The following DNAJB4 variants were observed in gnomAD, a reference collection of about 807,000 sequenced individuals.
DNAJB4 encodes the protein dnaJ homolog subfamily B member 4.
DNAJB4 carries 10 observed loss-of-function variants against 26.6 expected under a neutral mutation model. The observed-to-expected ratio is 0.38, with a 90% CI of 0.23 to 0.64. DNAJB4 has a LOEUF of 0.64. DNAJB4 is among the 30% of genes least tolerant of loss of function. The probability of loss-of-function intolerance (pLI) is 0.58; values close to 1 mark genes in which losing one functional copy is unlikely to be tolerated. For synonymous variants in DNAJB4, 136 were observed against 134.8 expected (o/e 1.01, Z -0.06); for missense variants, 328 against 408.2 (o/e 0.80, Z 1.69).
chr1:77,998,754 C>T (rs930161022), intron 1 of DNAJB4, among the ~76,000 whole-genome samples: 2 of 151,942 alleles, frequency 1.3e-5, no homozygotes, highest in South Asian at 4.2e-4. Flanking sequence ...GGGAAAATGG[C>T]TTGAGCTCAG....
intron 1 of DNAJB4, among the ~76,000 whole-genome samples, chr1:78,012,422 A>G (rs1470434993): frequency 2.6e-5 from 4 of 151,360 alleles, no homozygotes; most frequent in Non-Finnish European, 4.4e-5. Context: ...TCGGCCTCCC[A>G]AAGTGTTGGG....
upstream of DNAJB4, among the ~76,000 whole-genome samples, chr1:78,000,066 AAATC>A (rs1347455121): frequency 6.6e-6 from 1 of 152,238 alleles, no homozygotes; most frequent in Admixed American, 6.5e-5. Flanking sequence ...AATTTTAACA[AAATC>A]AACATGAATG....
chr1:78,014,787 G>A (rs1346095594), intron 2 of DNAJB4, among the ~76,000 whole-genome samples: 1 of 151,404 alleles, frequency 6.6e-6, no homozygotes, highest in East Asian at 2.0e-4. Flanking sequence ...TTTTAGTAGC[G>A]ATAGGTTTTC....
At chr1:77,991,938 C>G (rs527599048) in intron 1 of DNAJB4, among the ~76,000 whole-genome samples, 1 of 152,210 alleles carries the variant, frequency 6.6e-6, no homozygotes, top group South Asian at 2.1e-4. Context: ...AACAGAAATA[C>G]ACATAGAAGA....
intron 1 of DNAJB4, among the ~76,000 whole-genome samples, chr1:78,011,852 A>G (rs1660485203): frequency 6.6e-6 from 1 of 151,178 alleles, no homozygotes; most frequent in African/African-American, 2.4e-5. Context: ...TGGTATTTTT[A>G]TTACATTATA....
At chr1:77,985,987 T>C (rs370934903) in intron 1 of DNAJB4, among the ~76,000 whole-genome samples, 1 of 152,146 alleles carries the variant, frequency 6.6e-6, no homozygotes, top group Non-Finnish European at 1.5e-5. Flanking sequence ...ACCAATAATA[T>C]CCTGTAGCTA....
At chr1:77,982,398 A>C (rs556955971) in intron 1 of DNAJB4, among the ~76,000 whole-genome samples, 24 of 152,224 alleles carry the variant, frequency 1.6e-4, no homozygotes, top group African/African-American at 5.8e-4. Context: ...TATCTTTTTC[A>C]TTAACCTTTA....
intron 1 of DNAJB4, among the ~76,000 whole-genome samples, chr1:77,984,232 T>C (rs1659739183): frequency 6.6e-6 from 1 of 152,210 alleles, no homozygotes; most frequent in Non-Finnish European, 1.5e-5. Flanking sequence ...AAATCCTCCT[T>C]ATCCCTTCAG....
chr1:78,017,264 A>C lies in DNAJB4; in HGVS notation c.*1017A>C, dbSNP rs766603467. On this transcript the variant is annotated 3_prime_UTR_variant, in exon 3 of 3. Coordinates refer to ENST00000370763, the MANE Select transcript of DNAJB4 (RefSeq NM_007034.5). ...ATATTTTACTTTTTCACATGTATAG[A>C]TTGCATTTCTTAGGTGTTTTAATTT... 3.8e-4 allele frequency: 57 copies of C among 151,936 alleles called. No individual in the cohort carries two copies. Among genetic ancestry groups the C allele is most frequent in the Non-Finnish European group, 7.5e-4 (51 of 67,890 alleles). The allele number at this position is 151,936 out of a possible 1,614,324, so 9.4% of individuals were successfully genotyped here.
At chr1:77,998,128 T>G (rs1660108352) in intron 1 of DNAJB4, among the ~76,000 whole-genome samples, 1 of 152,166 alleles carries the variant, frequency 6.6e-6, no homozygotes, top group South Asian at 2.1e-4. Context: ...TATTAACTTT[T>G]TATTGTTTGT....
intron 1 of DNAJB4, among the ~76,000 whole-genome samples, chr1:77,997,975 T>G (rs754853059): frequency 9.2e-5 from 14 of 152,040 alleles, no homozygotes; most frequent in Non-Finnish European, 2.1e-4. Flanking sequence ...TCACGGGGTT[T>G]TACCGTGTTG....
chr1:77,995,947 AAAAAC>A (rs907849614), intron 1 of DNAJB4, among the ~76,000 whole-genome samples: 1 of 152,198 alleles, frequency 6.6e-6, no homozygotes, highest in Non-Finnish European at 1.5e-5. Context: ...TTCTGTCTCA[AAAAAC>A]AAAACAAAAC....
chr1:77,985,219 T>C (rs1028522504), intron 1 of DNAJB4, among the ~76,000 whole-genome samples: 1 of 152,124 alleles, frequency 6.6e-6, no homozygotes, highest in Admixed American at 6.6e-5. Context: ...TGGAAGTGGG[T>C]GGGTACAAGA....
upstream of DNAJB4, chr1:77,979,211 G>C: frequency 1.8e-6 from 1 of 554,638 alleles, no homozygotes; most frequent in African/African-American, 1.9e-5. Flanking sequence ...AGAACGACAG[G>C]AACAGAGACG....
intron 1 of DNAJB4, among the ~76,000 whole-genome samples, chr1:78,008,397 A>G (rs1321111690): frequency 6.6e-6 from 1 of 152,242 alleles, no homozygotes. Context: ...TCAATGAGGA[A>G]CTATTTAGCA....
rs773989896 is a variant in DNAJB4 at position 78,005,122 on chromosome 1, CTA to C, written c.14_15del (p.Tyr5LeufsTer7). 6.2e-7 allele frequency: 1 copy of C among 1,613,598 alleles called. No homozygotes were observed. The highest frequency in any genetic ancestry group is 8.5e-7 in the Non-Finnish European group (1 of 1,179,852). Reference protein sequence around the residue: MGKDYYCILGIEKGA... With the variant: MGKDXYCILGIEKGA... ...TCAAGGCATTCGAAATGGGGAAAGA[CTA>C]TTATTGCATTTTGGGAATTGAGAAA... is the stretch of plus-strand genomic sequence containing the variant. On this transcript the variant is annotated frameshift_variant, in exon 1 of 3. Transcript: ENST00000370763. LOFTEE classifies it high-confidence loss of function.
chr1:77,982,111 T>G (rs1199950214), intron 1 of DNAJB4, among the ~76,000 whole-genome samples: 1 of 152,226 alleles, frequency 6.6e-6, no homozygotes, highest in Non-Finnish European at 1.5e-5. Context: ...GTTTAGCTTA[T>G]TCCATAGCAT....
chr1:78,006,144 A>G (rs1301615329), intron 1 of DNAJB4, among the ~76,000 whole-genome samples: 2 of 152,172 alleles, frequency 1.3e-5, no homozygotes, highest in African/African-American at 4.8e-5. Context: ...TCCCTGCCAT[A>G]CTTTTGTTTT....
intron 1 of DNAJB4, among the ~76,000 whole-genome samples, chr1:77,997,142 A>G (rs1660079690): frequency 6.6e-6 from 1 of 152,168 alleles, no homozygotes. Context: ...CTATTGAATT[A>G]GTGCTTTTTG....
Sources: allele counts gnomAD v4.1 joint callset (sites outside exome capture counted in the v4.1 genomes callset), GRCh38; gene constraint gnomAD v4.1.1; transcripts MANE v1.5; gene names NCBI Gene and HGNC (gene_info 2026-07-23, HGNC 2026-07-21).